IQGAP1: variants seen among roughly 807,000 people sequenced by gnomAD.
The protein encoded by IQGAP1 is ras GTPase-activating-like protein IQGAP1.
IQGAP1 carries 66 observed loss-of-function variants against 215.6 expected under a neutral mutation model. The observed-to-expected ratio is 0.31, with a 90% CI of 0.25 to 0.38. The LOEUF (loss-of-function observed/expected upper bound fraction) is 0.38. Ranked by LOEUF, IQGAP1 falls within the 10% of genes least tolerant of loss-of-function variation. The pLI, the probability that IQGAP1 is intolerant of heterozygous loss-of-function variation, is 1.00. For synonymous variants in IQGAP1, 772 were observed against 728.7 expected, an observed-to-expected ratio of 1.06 and a Z score of -0.96; for missense variants, 1,712 against 1,997.1, an observed-to-expected ratio of 0.86 and a Z score of 2.72.
intron 2 of IQGAP1, among the ~76,000 whole-genome samples, chr15:90,406,811 A>G (rs992925138): frequency 2.6e-5 from 4 of 152,232 alleles, no homozygotes; most frequent in African/African-American, 7.2e-5. Flanking sequence ...GTGATGTCCT[A>G]CATTGGAGTT....
At chr15:90,475,383 C>CA (rs1695865175) in intron 23 of IQGAP1, among the ~76,000 whole-genome samples, 1 of 151,962 alleles carries the variant, frequency 6.6e-6, no homozygotes, top group African/African-American at 2.4e-5. Flanking sequence ...TTGATCCACT[C>CA]ACCTTGGCTT....
At chr15:90,480,500 A>G (rs1337308058) in intron 26 of IQGAP1, among the ~76,000 whole-genome samples, 1 of 152,188 alleles carries the variant, frequency 6.6e-6, no homozygotes. Flanking sequence ...AAACTCATAT[A>G]AATAATAAAA....
intron 1 of IQGAP1, 37 bp from the exon 2 acceptor site, chr15:90,390,737 A>C: frequency 7.3e-7 from 1 of 1,371,128 alleles, no homozygotes; most frequent in Non-Finnish European, 1.0e-6. Context: ...GGAAGGCTAC[A>C]GATCCTGGTG....
chr15:90,466,912 T>TA (rs1965840704), intron 17 of IQGAP1, among the ~76,000 whole-genome samples: 1 of 152,062 alleles, frequency 6.6e-6, no homozygotes, highest in Non-Finnish European at 1.5e-5. Flanking sequence ...GCCAACATGG[T>TA]AAAACCCTGT....
intron 2 of IQGAP1, among the ~76,000 whole-genome samples, chr15:90,410,155 G>A (rs139569201): frequency 0.013 from 1,909 of 152,280 alleles, 29 homozygotes; most frequent in Non-Finnish European, 0.016. Flanking sequence ...AGTTTAATTA[G>A]ATCCCATTTC....
At chr15:90,434,497 T>C (rs577745295) in intron 5 of IQGAP1, among the ~76,000 whole-genome samples, 2 of 152,126 alleles carry the variant, frequency 1.3e-5, no homozygotes, top group South Asian at 2.1e-4. Context: ...ACAAACATGA[T>C]AGTAAGAAAT....
intron 2 of IQGAP1, chr15:90,391,538 T>C (rs141300418): frequency 6.6e-6 from 1 of 152,390 alleles, no homozygotes; most frequent in Non-Finnish European, 1.5e-5. Flanking sequence ...TGAATTTTGA[T>C]TTATATATGA....
rs1567121028 is a variant in IQGAP1 at position 90,422,672 on chromosome 15, A to ATG, written c.156-3437_156-3436insGT. ...TATATATATATATGTATATATATATATATATATAATTTTTGAGACAGAGTT... is the reference window on the plus strand; with the variant it reads ...TATATATATATATGTATATATATATATGTATATATAATTTTTGAGACAGAGTT... On this transcript the variant is annotated intron_variant, in intron 2 of 37. Transcript: ENST00000268182. Among the ~76,000 whole-genome samples the ATG allele has an allele frequency of 2.5e-3, 308 of 123,428 alleles. 6 individuals are homozygous for ATG. Among genetic ancestry groups the ATG allele is most frequent in the African/African-American group, 0.01 (298 of 28,752 alleles). 81.0% of individuals were successfully genotyped at this position (123,428 alleles called of 152,430 possible).
chr15:90,482,110 A>G lies in IQGAP1; in HGVS notation c.3470+10A>G. ...CTGTGGACAAAATCCCGTGAGTGCC[A>G]TCAGTTGTCATGACCCCCAGTAGAA... On this transcript the variant is annotated intron_variant, in intron 27 of 37. Coordinates refer to ENST00000268182, the MANE Select transcript of IQGAP1 (RefSeq NM_003870.4). The G allele has an allele frequency of 3.1e-6, 5 of 1,614,220 alleles. No individual in the cohort carries two copies. Among genetic ancestry groups the G allele is most frequent in the Non-Finnish European group, 4.2e-6 (5 of 1,180,030 alleles).
At chr15:90,473,381 A>G (rs992800810) in intron 19 of IQGAP1, among the ~76,000 whole-genome samples, 8 of 152,146 alleles carry the variant, frequency 5.3e-5, no homozygotes, top group Non-Finnish European at 7.4e-5. Flanking sequence ...GTGAATCTCC[A>G]AGTCTTTGTC....
At chr15:90,445,627 C>G (rs912332643) in intron 9 of IQGAP1, among the ~76,000 whole-genome samples, 3 of 151,990 alleles carry the variant, frequency 2.0e-5, no homozygotes, top group Non-Finnish European at 4.4e-5. Flanking sequence ...TTAGACTCAC[C>G]AAAAAAACTA....
chr15:90,429,647 A>T lies in IQGAP1; in HGVS notation c.371A>T (p.Asp124Val), dbSNP rs776690353. The change falls in exon 4 of 38, where the codon GAT becomes GTT. Residue 124 changes from aspartate (D) to valine (V), a missense_variant. Asp to Val is a radical substitution (Grantham distance 152, BLOSUM62 -3). Around this residue, in one of 2 missense-constraint regions of IQGAP1, gnomAD observed 1,021 missense variants for 1,074.2 expected, o/e 0.95. Transcript: ENST00000268182. ...GTGATTCAGTGGTTGAATGCCATGGATGAGATTGGATTGCCTAAGGTAACT... is the reference window on the plus strand; with the variant it reads ...GTGATTCAGTGGTTGAATGCCATGGTTGAGATTGGATTGCCTAAGGTAACT... ...DNVIQWLNAM[D>V]EIGLPKIFYP... 3.1e-6 allele frequency: 5 copies of T among 1,607,620 alleles called. No homozygotes were observed. In the Admixed American group the frequency reaches 8.5e-5, roughly 27 times the overall value.
intron 2 of IQGAP1, chr15:90,391,860 A>G (rs1964640562): frequency 6.6e-6 from 1 of 152,192 alleles, no homozygotes; most frequent in Non-Finnish European, 1.5e-5. Context: ...TTGGTGGAAA[A>G]GTCAAGTGAG....
rs773948744 is a variant in IQGAP1 at position 90,456,283 on chromosome 15, A to G, written c.1744A>G (p.Thr582Ala). 6.2e-7 allele frequency: 1 copy of G among 1,614,062 alleles called. No individual in the cohort carries two copies. The highest frequency in any genetic ancestry group is 1.1e-5 in the South Asian group (1 of 91,080). The stretch of plus-strand genomic sequence containing the variant: ...AGAAGTGGCCCAGCATTACCAAGAC[A>G]CGCTGATTAGAGCGAAGAGAGAGAA... ...LAEVAQHYQD[T>A]LIRAKREKAQ... Residue 582 changes from threonine to alanine, a missense_variant, in exon 15 of 38, where the codon ACG (threonine) becomes GCG (alanine). Physicochemically the swap from Thr to Ala is moderately conservative, Grantham distance 58. Around this residue, in one of 2 missense-constraint regions of IQGAP1, gnomAD observed 1,021 missense variants for 1,074.2 expected, o/e 0.95. Transcript: ENST00000268182.
chr15:90,419,891 G>C (rs1228110202), intron 2 of IQGAP1, among the ~76,000 whole-genome samples: 5 of 152,190 alleles, frequency 3.3e-5, no homozygotes, highest in Non-Finnish European at 7.3e-5. Context: ...AAAGTTCAGA[G>C]ATGAGCAAAA....
At position 90,388,299 on chromosome 15, in the gene IQGAP1, A is replaced by C; in HGVS notation, c.-43A>C. The C allele has an allele frequency of 8.8e-6, 14 of 1,597,226 alleles. No homozygotes were observed. Among genetic ancestry groups the C allele is most frequent in the Non-Finnish European group, 1.2e-5 (14 of 1,172,936 alleles). ...TGTAGCTACCGCCGTCCGCGCCTCC[A>C]AGGTTTCACGGCTTCCTCAGCAGAG... On this transcript the variant is annotated 5_prime_UTR_variant, in exon 1 of 38. Coordinates refer to ENST00000268182, the MANE Select transcript of IQGAP1 (RefSeq NM_003870.4).
chr15:90,491,089 A>G (rs975193285), intron 33 of IQGAP1, among the ~76,000 whole-genome samples: 4 of 152,188 alleles, frequency 2.6e-5, no homozygotes, highest in East Asian at 1.9e-4. Context: ...GATTACAGGC[A>G]TGAGCCACCG....
At chr15:90,409,225 C>G (rs1964922138) in intron 2 of IQGAP1, among the ~76,000 whole-genome samples, 1 of 147,174 alleles carries the variant, frequency 6.8e-6, no homozygotes, top group African/African-American at 2.5e-5. Flanking sequence ...AGGAAAATTT[C>G]CTATATTCAC....
chr15:90,465,872 C>T (rs1255994675), intron 15 of IQGAP1, 129 bp from the exon 16 acceptor site: 2 of 726,704 alleles, frequency 2.8e-6, no homozygotes, highest in Non-Finnish European at 4.8e-6. Flanking sequence ...TTTGACTAAC[C>T]CACGTGTCTC....
Sources: gnomAD v4.1 joint callset for allele counts (sites outside exome capture counted in the v4.1 genomes callset) on GRCh38, gnomAD v4.1.1 for gene constraint, gnomAD v4.1.1 regional missense constraint, MANE v1.5 for transcripts, NCBI Gene and HGNC (gene_info 2026-07-23, HGNC 2026-07-21) for gene names.